MARCHF4: variants seen among roughly 807,000 people sequenced by gnomAD.
MARCHF4 encodes membrane associated ring-CH-type finger 4, also known as E3 ubiquitin-protein ligase MARCHF4.
In MARCHF4, 14 loss-of-function variants were observed where a neutral mutation model predicts 43.9. The observed-to-expected ratio is 0.32, with a 90% CI of 0.21 to 0.50. The LOEUF is 0.50. MARCHF4 is among the 20% of genes least tolerant of loss of function. MARCHF4 has a pLI of 0.98. For missense variants in MARCHF4, 468 were observed against 536.7 expected, an observed-to-expected ratio of 0.87 and a Z score of 1.27; for synonymous variants, 226 against 213.3, an observed-to-expected ratio of 1.06 and a Z score of -0.52.
chr2:216,331,994 T>C (rs1459030523), intron 1 of MARCHF4, among the ~76,000 whole-genome samples: 1 of 152,152 alleles, frequency 6.6e-6, no homozygotes, highest in Non-Finnish European at 1.5e-5. Context: ...AAAACAAATA[T>C]GTAACTTGTT....
chr2:216,285,914 G>A (rs140603335), intron 1 of MARCHF4, among the ~76,000 whole-genome samples: 223 of 152,328 alleles, frequency 1.5e-3, no homozygotes, highest in African/African-American at 5.2e-3. Context: ...CCCTGGCAAC[G>A]GTGCTGAATG....
chr2:216,288,586 G>C (rs1380062502), intron 1 of MARCHF4, among the ~76,000 whole-genome samples: 5 of 151,980 alleles, frequency 3.3e-5, no homozygotes, highest in African/African-American at 1.2e-4. Flanking sequence ...TGTCACCTTG[G>C]GGACACTGGG....
intron 1 of MARCHF4, among the ~76,000 whole-genome samples, chr2:216,307,538 GT>G (rs35397715): frequency 1.3e-5 from 2 of 150,890 alleles, no homozygotes; most frequent in African/African-American, 2.4e-5. Context: ...TCAAATCAAC[GT>G]TTTTTTTTGG....
rs904150817 is a variant in MARCHF4, at chr2:216,278,387, C to T, written c.673-523G>A. Among the ~76,000 whole-genome samples, 7 of 152,222 alleles carry T rather than the reference C, an allele frequency of 4.6e-5. No homozygotes were observed. In the South Asian group the frequency reaches 6.2e-4, roughly 14 times the overall value. On this transcript the variant is annotated intron_variant, in intron 2 of 3. Coordinates refer to ENST00000273067, the MANE Select transcript of MARCHF4 (RefSeq NM_020814.3). ...TACAGGCACCCAACACCATGCGTGG[C>T]TAATTTTTTTGTATTTTTTAGTAGA...
chr2:216,308,095 A>G (rs1450226624), intron 1 of MARCHF4, among the ~76,000 whole-genome samples: 2 of 151,944 alleles, frequency 1.3e-5, no homozygotes, highest in Non-Finnish European at 2.9e-5. Context: ...AGTTGGAGAA[A>G]ATATGTGTTT....
In MARCHF4 at chr2:216,344,261, A is replaced by AAACC. The variant is rs554876162; in HGVS notation, c.516+25483_516+25484insGGTT. Among the ~76,000 whole-genome samples the AAACC allele has an allele frequency of 1.2e-3, 187 of 151,280 alleles. 1 individual carries two copies. In the South Asian group the frequency reaches 0.019, roughly 16 times the overall value. On this transcript the variant is annotated intron_variant, in intron 1 of 3. Coordinates refer to ENST00000273067, the MANE Select transcript of MARCHF4 (RefSeq NM_020814.3). The stretch of plus-strand genomic sequence containing the variant: ...CAAAAACAGAAACAAACAAACAAAC[A>AAACC]AACAAAAAAACATGTGACAATACTT...
rs139960141 is a variant in MARCHF4 at position 216,305,863 on chromosome 2, C to T, written c.517-22134G>A. Among the ~76,000 whole-genome samples, 39 of 152,336 alleles carry T rather than the reference C, an allele frequency of 2.6e-4. No individual in the cohort carries two copies. In the South Asian group the frequency reaches 3.5e-3, roughly 14 times the overall value. On this transcript the variant is annotated intron_variant, in intron 1 of 3. Coordinates refer to ENST00000273067, the MANE Select transcript of MARCHF4 (RefSeq NM_020814.3). ...GGAGGAATGACATTACATAAATCCT[C>T]AAACATAAAGAGGCATAAGGACGGC...
chr2:216,281,768 C>A (rs1691132208), intron 2 of MARCHF4, among the ~76,000 whole-genome samples: 1 of 152,154 alleles, frequency 6.6e-6, no homozygotes. Flanking sequence ...AGGGAGCCCC[C>A]AGCAGTGAGT....
intron 1 of MARCHF4, among the ~76,000 whole-genome samples, chr2:216,286,105 G>A (rs997176284): frequency 6.6e-6 from 1 of 152,164 alleles, no homozygotes; most frequent in African/African-American, 2.4e-5. Context: ...AGCGTGACCT[G>A]GCCTAATCCC....
At chr2:216,362,793 A>G (rs1310795603) in intron 1 of MARCHF4, among the ~76,000 whole-genome samples, 1 of 152,164 alleles carries the variant, frequency 6.6e-6, no homozygotes. Context: ...CTTTGCTTTT[A>G]CCATACACAG....
intron 2 of MARCHF4, 64 bp downstream of exon 2, chr2:216,283,510 T>C (rs1288139180): frequency 6.6e-7 from 1 of 1,506,778 alleles, no homozygotes; most frequent in Non-Finnish European, 9.0e-7. Context: ...GTAAGCCTCC[T>C]GCTAAAGCAG....
chr2:216,272,756 G>A (rs1444571400), intron 3 of MARCHF4, among the ~76,000 whole-genome samples: 6 of 152,216 alleles, frequency 3.9e-5, no homozygotes, highest in African/African-American at 1.4e-4. Context: ...GGCTTTCACA[G>A]TGGCATGCAT....
chr2:216,317,802 G>A (rs569003096), intron 1 of MARCHF4, among the ~76,000 whole-genome samples: 6 of 152,298 alleles, frequency 3.9e-5, no homozygotes, highest in South Asian at 4.1e-4. Flanking sequence ...TGGTGATGGC[G>A]TGAAGGATAT....
intron 1 of MARCHF4, among the ~76,000 whole-genome samples, chr2:216,357,272 C>T (rs1692517191): frequency 6.6e-6 from 1 of 152,166 alleles, no homozygotes; most frequent in Non-Finnish European, 1.5e-5. Context: ...ACCTTAGACT[C>T]TTCCAATCTG....
chr2:216,360,730 A>G (rs1692563765), intron 1 of MARCHF4, among the ~76,000 whole-genome samples: 1 of 152,234 alleles, frequency 6.6e-6, no homozygotes, highest in African/African-American at 2.4e-5. Flanking sequence ...CGATATCAAC[A>G]GTGAACCCTC....
At chr2:216,272,493 C>T (rs72960760) in intron 3 of MARCHF4, among the ~76,000 whole-genome samples, 20,755 of 152,090 alleles carry the variant, frequency 0.14, 1,468 homozygotes, top group South Asian at 0.25. Flanking sequence ...TCTGCATTTG[C>T]AATTTTACAG....
At chr2:216,277,440 C>T (rs1163006122) in intron 3 of MARCHF4, among the ~76,000 whole-genome samples, 1 of 152,194 alleles carries the variant, frequency 6.6e-6, no homozygotes, top group Non-Finnish European at 1.5e-5. Flanking sequence ...TTATCTTCAA[C>T]TGTGCAAGAC....
chr2:216,335,934 G>C (rs759084258), intron 1 of MARCHF4, among the ~76,000 whole-genome samples: 4 of 151,822 alleles, frequency 2.6e-5, no homozygotes, highest in Non-Finnish European at 4.4e-5. Context: ...TGGGCATGGT[G>C]GCACAAACCT....
chr2:216,300,907 A>G (rs1691483526), intron 1 of MARCHF4, among the ~76,000 whole-genome samples: 1 of 152,150 alleles, frequency 6.6e-6, no homozygotes, highest in African/African-American at 2.4e-5. Context: ...AATGAAATAG[A>G]AAGGAGTTAA....
Sources: allele counts gnomAD v4.1 joint callset (sites outside exome capture counted in the v4.1 genomes callset), GRCh38; gene constraint gnomAD v4.1.1; transcripts MANE v1.5; gene names NCBI Gene and HGNC (gene_info 2026-07-23, HGNC 2026-07-21).